The following TAS1R2 variants were observed in gnomAD, a reference collection of about 807,000 sequenced individuals.
TAS1R2 encodes taste 1 receptor member 2.
TAS1R2 carries 47 observed loss-of-function variants against 49.3 expected under a neutral mutation model. That is an observed-to-expected ratio of 0.95 (90% CI 0.75 to 1.22). The LOEUF (loss-of-function observed/expected upper bound fraction) is 1.22, where lower values mean the gene tolerates loss of function less well. Among genes scored for constraint, TAS1R2 ranks in the 50% most tolerant of loss-of-function variants. The probability of loss-of-function intolerance (pLI) is 0.00; values close to 1 mark genes in which losing one functional copy is unlikely to be tolerated. For synonymous variants in TAS1R2, 479 were observed against 467.9 expected (o/e 1.02, Z -0.31); for missense variants, 1,155 against 1,122.1 (o/e 1.03, Z -0.42).
At chr1:18,855,528 C>T (rs371700980) in intron 2 of TAS1R2, among the ~76,000 whole-genome samples, 15 of 152,280 alleles carry the variant, frequency 9.9e-5, no homozygotes, top group African/African-American at 3.4e-4. Context: ...CCTTGGAGGA[C>T]CCTGGGCTCA....
Position 18,854,813 on chromosome 1 carries a change from A to G in TAS1R2, c.657T>C (p.Asn219=), listed in dbSNP as rs1331716309. 3.7e-6 allele frequency: 6 copies of G among 1,606,846 alleles called. No individual in the cohort carries two copies. The Admixed American group carries it at 1.0e-4, about 27-fold the overall frequency. Residue 219 remains asparagine (N), a synonymous_variant, in exon 3 of 6, where the codon AAT becomes AAC. Transcript: ENST00000375371. The surrounding 1 kb of genome is among the most constrained non-coding windows in gnomAD (Gnocchi z 4.9). ...CCACGCGCTCGCCAAGCAGCTGGCC[A>G]TTGTCGCGGCCATAGGTGTCGCTGC...
intron 3 of TAS1R2, among the ~76,000 whole-genome samples, chr1:18,850,090 G>A (rs932903135): frequency 6.6e-6 from 1 of 152,104 alleles, no homozygotes; most frequent in Non-Finnish European, 1.5e-5. Context: ...CCAGACCTTA[G>A]GGTCAGCTCT....
chr1:18,840,086 G>A, exon 6 of TAS1R2: 2 of 1,614,222 alleles, frequency 1.2e-6, no homozygotes, highest in South Asian at 2.2e-5. Flanking sequence ...AGAGACGTAG[G>A]GCCCCTGGTA....
Position 18,854,944 on chromosome 1 carries a change from G to A in TAS1R2, c.526C>T (p.Arg176Cys), listed in dbSNP as rs756517501. The A allele has an allele frequency of 8.1e-6, 13 of 1,607,484 alleles. No homozygotes were observed. Among genetic ancestry groups the A allele is most frequent in the Middle Eastern group, 1.6e-4 (1 of 6,072 alleles). Residue 176 changes from arginine (R) to cysteine (C), a missense_variant, in exon 3 of 6, where the codon CGC becomes TGC. Arg to Cys is a radical substitution (Grantham distance 180, BLOSUM62 -3). Transcript: ENST00000375371. The surrounding 1 kb of genome is among the most constrained non-coding windows in gnomAD (Gnocchi z 4.9). ...GTGGTACGCAGCAAAGCCGGGAAGC[G>A]CACCTTGTCTCGCAGCTCATCGCTG...
chr1:18,840,402 C>T, exon 6 of TAS1R2: 1 of 1,614,128 alleles, frequency 6.2e-7, no homozygotes, highest in Non-Finnish European at 8.5e-7. Flanking sequence ...CCCAGGGCGG[C>T]CAGCAGGGCC....
In TAS1R2 at chr1:18,852,534, C is replaced by T. The variant is rs1045626558; in HGVS notation, c.1257+1679G>A. Among the ~76,000 whole-genome samples the T allele has an allele frequency of 4.0e-4, 61 of 152,354 alleles. 1 individual carries two copies. The highest frequency in any genetic ancestry group is 1.4e-3 in the African/African-American group (58 of 41,588). ...GGCTGGGCTCCCTGCCTCTTGACTG[C>T]ATCATCCCCAGCCCTAAATTGGCTT... On this transcript the variant is annotated intron_variant, in intron 3 of 5. Transcript: ENST00000375371.
chr1:18,842,004 C>T lies in TAS1R2; in HGVS notation c.1468-152G>A, dbSNP rs1569658030. The T allele has an allele frequency of 3.5e-6, 3 of 853,164 alleles. No homozygotes were observed. In the East Asian group the frequency reaches 8.5e-5, roughly 24 times the overall value. 52.8% of individuals were successfully genotyped at this position (853,164 alleles called of 1,614,324 possible). Reference sequence around the variant, plus strand: ...CTGTAGAAAAAAAAAAAAAAACTCTCATGCTTCTAGCAGGGGATAAGGAAA... The same window carrying T: ...CTGTAGAAAAAAAAAAAAAAACTCTTATGCTTCTAGCAGGGGATAAGGAAA... On this transcript the variant is annotated intron_variant, in intron 4 of 5. Coordinates refer to ENST00000375371, the Ensembl canonical transcript of TAS1R2.
chr1:18,855,134 G>A (rs1007054550), intron 2 of TAS1R2, 148 bp from the exon 3 acceptor site: 2 of 987,186 alleles, frequency 2.0e-6, no homozygotes, highest in African/African-American at 1.6e-5. Context: ...AATCATCATG[G>A]TCCCCAGGTA....
chr1:18,846,332 G>A (rs767334666), intron 4 of TAS1R2, among the ~76,000 whole-genome samples: 7 of 152,142 alleles, frequency 4.6e-5, no homozygotes, highest in East Asian at 1.9e-4. Context: ...GTGGCTCTTC[G>A]GGAGGTCCCA....
Position 18,854,744 on chromosome 1 carries a change from T to C in TAS1R2, c.726A>G (p.Thr242=). 1 of 1,611,706 alleles carries C rather than the reference T, an allele frequency of 6.2e-7. No individual in the cohort carries two copies. Among genetic ancestry groups the C allele is most frequent in the Middle Eastern group, 1.7e-4 (1 of 6,060 alleles). The change falls in exon 3 of 6, where the codon ACA becomes ACG. Residue 242 remains threonine (T), a synonymous_variant. Transcript: ENST00000375371. This position sits in a 1 kb window ranked among gnomAD's most constrained non-coding sequence, Gnocchi z 4.9. ...ACGTCATGTTCTGGTTGGGCTGCAG[T>C]GTGGGCAGCGTCTCCTGGAAGGCGA... is the stretch of plus-strand genomic sequence containing the variant.
At chr1:18,859,578 T>C (rs747397655) in exon 1 of TAS1R2, 31 of 1,614,004 alleles carry the variant, frequency 1.9e-5, no homozygotes, top group Non-Finnish European at 2.6e-5. Context: ...CCCAGGCAGG[T>C]AGAAGTCCGA....
intron 4 of TAS1R2, among the ~76,000 whole-genome samples, chr1:18,845,163 C>T (rs1356471637): frequency 6.6e-6 from 1 of 152,178 alleles, no homozygotes; most frequent in East Asian, 1.9e-4. Flanking sequence ...ACTGTATCAC[C>T]TCAGATCAGG....
At position 18,849,476 on chromosome 1, in the gene TAS1R2, C is replaced by T; in HGVS notation, c.1332G>A (p.Val444=). 2.5e-6 allele frequency: 4 copies of T among 1,614,248 alleles called. No individual in the cohort carries two copies. The South Asian group carries it at 4.4e-5, about 18-fold the overall frequency. Residue 444 remains valine (V), a synonymous_variant, in exon 4 of 6, where the codon GTG becomes GTA. Coordinates refer to ENST00000375371, the Ensembl canonical transcript of TAS1R2. ...ACTGGACAATCTCCAAGTGCAGAGC[C>T]ACGTCCCCTTGCGGGTCGAAGAAGA...
intron 4 of TAS1R2, among the ~76,000 whole-genome samples, chr1:18,843,266 T>C (rs1296721193): frequency 1.3e-5 from 2 of 152,232 alleles, no homozygotes; most frequent in East Asian, 3.8e-4. Context: ...AGCACTTTTA[T>C]ATCCAAGTAA....
intron 3 of TAS1R2, among the ~76,000 whole-genome samples, chr1:18,851,182 C>T (rs575402310): frequency 3.9e-5 from 6 of 152,128 alleles, no homozygotes; most frequent in East Asian, 1.9e-4. Context: ...CCGAGATGCC[C>T]GAGGGGTGGA....
At chr1:18,839,684 C>T in exon 6 of TAS1R2, 2 of 1,614,228 alleles carry the variant, frequency 1.2e-6, no homozygotes, top group East Asian at 4.5e-5. Flanking sequence ...GATCATGTAG[C>T]ACTTGGGGCC....
chr1:18,843,578 A>T (rs981561576), intron 4 of TAS1R2, among the ~76,000 whole-genome samples: 1 of 152,232 alleles, frequency 6.6e-6, no homozygotes, highest in African/African-American at 2.4e-5. Context: ...AAGTCCAGAA[A>T]ATGACTCTGA....
chr1:18,844,311 C>G (rs1229668503), intron 4 of TAS1R2, among the ~76,000 whole-genome samples: 1 of 151,964 alleles, frequency 6.6e-6, no homozygotes, highest in East Asian at 1.9e-4. Flanking sequence ...CTGGAAGGAG[C>G]AAGAGTGGAA....
exon 1 of TAS1R2, chr1:18,859,618 G>A (rs765333023): frequency 3.1e-6 from 5 of 1,614,238 alleles, no homozygotes; most frequent in South Asian, 1.1e-5. Context: ...AGGACCCATA[G>A]GAGGAAGAAC....
Sources: allele counts gnomAD v4.1 joint callset (sites outside exome capture counted in the v4.1 genomes callset), GRCh38; gene constraint gnomAD v4.1.1; non-coding constraint Gnocchi (gnomAD v3.1); transcripts MANE v1.5; gene names NCBI Gene and HGNC (gene_info 2026-07-23, HGNC 2026-07-21).